DOT1L: variants seen among roughly 807,000 people sequenced by gnomAD.
The protein encoded by DOT1L is histone-lysine N-methyltransferase, H3 lysine-79 specific.
Under a neutral mutation model 153.3 loss-of-function variants are expected in DOT1L, and 33 were observed. The observed-to-expected ratio is 0.22, with a 90% CI of 0.16 to 0.29. The LOEUF (loss-of-function observed/expected upper bound fraction) is 0.29. Ranked by LOEUF, DOT1L falls within the 10% of genes least tolerant of loss-of-function variation. The probability of loss-of-function intolerance (pLI) is 1.00; values close to 1 mark genes in which losing one functional copy is unlikely to be tolerated. For missense variants in DOT1L, 1,847 were observed against 2,119.9 expected (o/e 0.87, Z 2.53); for synonymous variants, 1,135 against 965.1 (o/e 1.18, Z -3.26).
chr19:2,193,779 C>T lies in DOT1L; in HGVS notation c.584C>T (p.Ala195Val), dbSNP rs757113225. The change falls in exon 6 of 28, where the codon GCG becomes GTG. Residue 195 changes from alanine to valine, a missense_variant. Physicochemically the swap from Ala to Val is moderately conservative, Grantham distance 64. Coordinates refer to ENST00000398665, the MANE Select transcript of DOT1L (RefSeq NM_032482.3). This position sits in a 1 kb window ranked among gnomAD's most constrained non-coding sequence, Gnocchi z 5.9. ...AAAGCAGACATCCCGGCCAAGTATG[C>T]GGAGGTGAGCGGATCTGAGGGCCAG... Reference protein sequence around the residue: ...VEKADIPAKYAETMDREFRKW... With the variant: ...VEKADIPAKYVETMDREFRKW... The T allele has an allele frequency of 6.2e-7, 1 of 1,613,440 alleles. No individual in the cohort carries two copies. Among genetic ancestry groups the T allele is most frequent in the Non-Finnish European group, 8.5e-7 (1 of 1,179,750 alleles).
chr19:2,228,693 A>G, intron 27 of DOT1L: 1 of 985,372 alleles, frequency 1.0e-6, no homozygotes, highest in Non-Finnish European at 1.2e-6. Context: ...GTGCCAGGCC[A>G]GGGGGCTGGG....
At position 2,226,998 on chromosome 19, in the gene DOT1L, G is replaced by A. The variant is rs1403530073; in HGVS notation, c.4477G>A (p.Val1493Met). 8 of 1,592,480 alleles carry A rather than the reference G, an allele frequency of 5.0e-6. No homozygotes were observed. Among genetic ancestry groups the A allele is most frequent in the African/African-American group, 4.0e-5 (3 of 74,270 alleles). The change falls in exon 27 of 28, where the codon GTG becomes ATG. Residue 1493 changes from valine to methionine, a missense_variant. By Grantham distance (21) the Val-to-Met change is conservative (BLOSUM62 1). This residue lies in a region of DOT1L where 934 missense variants were observed against 825.3 expected (regional missense o/e 1.13). Coordinates refer to ENST00000398665, the MANE Select transcript of DOT1L (RefSeq NM_032482.3). ...CCTCGGCTCCGTGGCCGGCTCCTCC[G>A]TGCTGCAGTCGCTGTTCAGCTCTGT... ...ANLGSVAGSS[V>M]LQSLFSSVPA...
Position 2,206,731 on chromosome 19 carries a change from G to T in DOT1L, c.790G>T (p.Gly264Cys). Residue 264 changes from glycine to cysteine, a missense_variant and splice_region_variant, in exon 10 of 28, where the codon GGC (glycine) becomes TGC (cysteine). Transcript: ENST00000398665. ...KERFANMKEG[G>C]RIVSSKPFAP... ...AGTAAGCAGTGTCTGTGTTTCAGGTGGCAGAATCGTGTCCTCGAAACCCTT... is the reference window on the plus strand; with the variant it reads ...AGTAAGCAGTGTCTGTGTTTCAGGTTGCAGAATCGTGTCCTCGAAACCCTT... The T allele has an allele frequency of 6.2e-7, 1 of 1,613,816 alleles. No homozygotes were observed. The highest frequency in any genetic ancestry group is 1.1e-5 in the South Asian group (1 of 91,062).
In DOT1L at chr19:2,225,306, C is replaced by T. The variant is rs563307342; in HGVS notation, c.3597-82C>T. ...TCTCGTTCACCACCTCCGGAGCTCCCTGGGCTGTTGGCTGTCAGCATTTGT... is the reference window on the plus strand; with the variant it reads ...TCTCGTTCACCACCTCCGGAGCTCCTTGGGCTGTTGGCTGTCAGCATTTGT... On this transcript the variant is annotated intron_variant, in intron 25 of 27. Transcript: ENST00000398665. 1.4e-5 allele frequency: 19 copies of T among 1,396,646 alleles called. No individual in the cohort carries two copies. The South Asian group carries it at 2.0e-4, about 15-fold the overall frequency. The allele number at this position is 1,396,646 out of a possible 1,614,324, so 86.5% of individuals were successfully genotyped here.
intron 7 of DOT1L, among the ~76,000 whole-genome samples, chr19:2,195,503 C>T (rs780927770): frequency 2.6e-5 from 4 of 152,090 alleles, no homozygotes; most frequent in African/African-American, 4.8e-5. Context: ...CAGCTGCTCC[C>T]GTGATGTGGA....
At chr19:2,165,350 G>A (rs986620565) in intron 1 of DOT1L, among the ~76,000 whole-genome samples, 1 of 152,176 alleles carries the variant, frequency 6.6e-6, no homozygotes, top group African/African-American at 2.4e-5. Context: ...GACGCGGAGA[G>A]CGCTGGGGAG....
At chr19:2,225,184 C>T (rs976885401) in intron 25 of DOT1L, among the ~76,000 whole-genome samples, 1 of 152,144 alleles carries the variant, frequency 6.6e-6, no homozygotes, top group Non-Finnish European at 1.5e-5. Flanking sequence ...CAGGACAGTA[C>T]CCTTGTGGCA....
intron 27 of DOT1L, chr19:2,228,023 C>T (rs1328808092): frequency 1.5e-6 from 2 of 1,300,028 alleles, no homozygotes; most frequent in Non-Finnish European, 1.0e-6. Context: ...TGCCTCCTCC[C>T]CCAACGCTGC....
rs1171270778 is a variant in DOT1L at position 2,228,531 on chromosome 19, G to A, written c.4607-1254G>A. The A allele has an allele frequency of 6.9e-6, 8 of 1,160,968 alleles. No individual in the cohort carries two copies. The South Asian group carries it at 1.0e-4, about 15-fold the overall frequency. 71.9% of individuals were successfully genotyped at this position (1,160,968 alleles called of 1,614,324 possible). A position where few individuals can be genotyped will look rare whatever the true frequency, so the allele number is the denominator to read the frequency against. On this transcript the variant is annotated intron_variant, in intron 27 of 27. Coordinates refer to ENST00000398665, the MANE Select transcript of DOT1L (RefSeq NM_032482.3). ...CCAGGGAGACCAGGGAGATGGTCGCGAGAGGAGGGACTACAGGACGGGCAC... is the reference window on the plus strand; with the variant it reads ...CCAGGGAGACCAGGGAGATGGTCGCAAGAGGAGGGACTACAGGACGGGCAC...
chr19:2,216,334 C>T lies in DOT1L; in HGVS notation c.1977C>T (p.Leu659=). The change falls in exon 20 of 28, where the codon CTC becomes CTT. Residue 659 remains leucine (L), a synonymous_variant. Transcript: ENST00000398665. ...AGCGGCAGCAGGAGCTCCTGCAGCT[C>T]AAGTCCTGTGTGCCGCCTGACGACG... is the stretch of plus-strand genomic sequence containing the variant. ...KSQRQQELLQ[L]KSCVPPDDAL... The T allele has an allele frequency of 8.7e-6, 14 of 1,602,086 alleles. No individual in the cohort carries two copies. Among genetic ancestry groups the T allele is most frequent in the Non-Finnish European group, 1.1e-5 (13 of 1,171,636 alleles).
chr19:2,221,995 G>C lies in DOT1L; in HGVS notation c.2826G>C (p.Ser942=). The change falls in exon 24 of 28, where the codon TCG becomes TCC. Residue 942 remains serine (S), a synonymous_variant. Coordinates refer to ENST00000398665, the MANE Select transcript of DOT1L (RefSeq NM_032482.3). ...LAPAGFSYAG[S]VAISGALAGS... Reference sequence around the variant, plus strand: ...CGGCAGGCTTCTCCTACGCTGGCTCGGTGGCCATCAGCGGGGCCTTGGCGG... The same window carrying C: ...CGGCAGGCTTCTCCTACGCTGGCTCCGTGGCCATCAGCGGGGCCTTGGCGG... 1 of 1,609,028 alleles carries C rather than the reference G, an allele frequency of 6.2e-7. No individual in the cohort carries two copies. Among genetic ancestry groups the C allele is most frequent in the Non-Finnish European group, 8.5e-7 (1 of 1,177,990 alleles).
chr19:2,211,123 C>T lies in DOT1L; in HGVS notation c.1376C>T (p.Pro459Leu), dbSNP rs777731913. 16 of 1,613,134 alleles carry T rather than the reference C, an allele frequency of 9.9e-6. No individual in the cohort carries two copies. The highest frequency in any genetic ancestry group is 2.2e-5 in the East Asian group (1 of 44,870). ...GATGCCTACAGATCCCCTCACAGCC[C>T]GTTCTACCAGCTACCTCCGAGCGTG... ...PQDAYRSPHS[P>L]FYQLPPSVQR... Residue 459 changes from proline to leucine, a missense_variant, in exon 15 of 28, where the codon CCG (proline) becomes CTG (leucine). Pro to Leu is a moderately conservative substitution (Grantham distance 98, BLOSUM62 -3). Transcript: ENST00000398665.
At chr19:2,218,957 C>T (rs894297957) in intron 22 of DOT1L, among the ~76,000 whole-genome samples, 12 of 151,262 alleles carry the variant, frequency 7.9e-5, no homozygotes, top group Admixed American at 2.6e-4. Context: ...CTGCAGCCTC[C>T]GCCTGCTGGG....
chr19:2,169,233 G>A (rs759380678), intron 1 of DOT1L, among the ~76,000 whole-genome samples: 1 of 152,168 alleles, frequency 6.6e-6, no homozygotes, highest in Non-Finnish European at 1.5e-5. Flanking sequence ...GACTCAGAAG[G>A]TATTTTCTGC....
rs2024213684 is a variant in DOT1L, at chr19:2,223,570, G to T, written c.3596+84G>T. On this transcript the variant is annotated intron_variant, in intron 25 of 27. Transcript: ENST00000398665. The stretch of plus-strand genomic sequence containing the variant: ...TCACTGTGTGTGTGTGGGTGGGTGG[G>T]TGGGGAGGACCGGCAGGCTCTTAGG... 4 of 314,552 alleles carry T rather than the reference G, an allele frequency of 1.3e-5. 2 individuals carry two copies. The East Asian group carries it at 4.0e-4, about 31-fold the overall frequency. 19.5% of individuals were successfully genotyped at this position (314,552 alleles called of 1,614,324 possible). A position where few individuals can be genotyped will look rare whatever the true frequency, so the allele number is the denominator to read the frequency against.
rs2144832598 is a variant in DOT1L at position 2,210,760 on chromosome 19, C to G, written c.1256C>G (p.Thr419Ser). 1 of 1,613,162 alleles carries G rather than the reference C, an allele frequency of 6.2e-7. No homozygotes were observed. The highest frequency in any genetic ancestry group is 8.5e-7 in the Non-Finnish European group (1 of 1,180,006). Residue 419 changes from threonine to serine, a missense_variant, in exon 14 of 28, where the codon ACT (threonine) becomes AGT (serine). Physicochemically the swap from Thr to Ser is moderately conservative, Grantham distance 58 (BLOSUM62 1). Transcript: ENST00000398665. ...CGCGGGCGCCCCAAGAAGATGAACACTGCGAACCCCGAGCGGAAGCCCAAG... is the reference window on the plus strand; with the variant it reads ...CGCGGGCGCCCCAAGAAGATGAACAGTGCGAACCCCGAGCGGAAGCCCAAG... ...RKRGRPKKMN[T>S]ANPERKPKKN... is the part of the protein sequence containing the mutation.
chr19:2,193,574 C>T lies in DOT1L; in HGVS notation c.494-115C>T, dbSNP rs1163453990. ...ATCGGATATGTGTGGAGACTGTGGCCTCCCCTGTGGGTCTTCATGGCCGCA... is the reference window on the plus strand; with the variant it reads ...ATCGGATATGTGTGGAGACTGTGGCTTCCCCTGTGGGTCTTCATGGCCGCA... On this transcript the variant is annotated intron_variant, in intron 5 of 27. Transcript: ENST00000398665. This position sits in a 1 kb window ranked among gnomAD's most constrained non-coding sequence, Gnocchi z 5.9. The T allele has an allele frequency of 2.2e-6, 2 of 919,140 alleles. No individual in the cohort carries two copies. Among genetic ancestry groups the T allele is most frequent in the Admixed American group, 2.2e-5 (1 of 44,764 alleles). 56.9% of individuals were successfully genotyped at this position (919,140 alleles called of 1,614,324 possible). A position where few individuals can be genotyped will look rare whatever the true frequency, so the allele number is the denominator to read the frequency against.
Position 2,231,944 on chromosome 19 carries a change from T to C in DOT1L, c.*2152T>C, listed in dbSNP as rs969792323. ...GTCTCCTTGAGCCCACTGGGTCATA[T>C]GCGTGTCACCACACGTGAACTAGTG... On this transcript the variant is annotated 3_prime_UTR_variant, in exon 28 of 28. Coordinates refer to ENST00000398665, the MANE Select transcript of DOT1L (RefSeq NM_032482.3). The C allele has an allele frequency of 4.7e-6, 1 of 213,904 alleles. No homozygotes were observed. Among genetic ancestry groups the C allele is most frequent in the South Asian group, 1.9e-4 (1 of 5,370 alleles). The allele number at this position is 213,904 out of a possible 1,614,324, so 13.3% of individuals were successfully genotyped here. A position where few individuals can be genotyped will look rare whatever the true frequency, so the allele number is the denominator to read the frequency against.
intron 17 of DOT1L, 52 bp downstream of exon 17, chr19:2,213,692 G>A (rs1280743363): frequency 6.2e-7 from 1 of 1,608,474 alleles, no homozygotes; most frequent in African/African-American, 1.3e-5. Context: ...CGCAGGCTGG[G>A]GTGGTCCATG....
Sources: allele counts gnomAD v4.1 joint callset (sites outside exome capture counted in the v4.1 genomes callset), GRCh38; gene constraint gnomAD v4.1.1; regional missense constraint gnomAD v4.1.1; non-coding constraint Gnocchi (gnomAD v3.1); transcripts MANE v1.5; gene names NCBI Gene and HGNC (gene_info 2026-07-23, HGNC 2026-07-21).